The following TBC1D9 variants were observed in gnomAD, a reference collection of about 807,000 sequenced individuals.
TBC1D9 encodes TBC1 domain family member 9.
A neutral mutation model predicts 132.0 loss-of-function variants in TBC1D9; 63 were observed. The observed-to-expected ratio is 0.48, with a 90% CI of 0.39 to 0.59. The LOEUF (loss-of-function observed/expected upper bound fraction) is 0.59. TBC1D9 is among the 20% of genes least tolerant of loss of function. The probability of loss-of-function intolerance (pLI) is 0.00; values close to 1 mark genes in which losing one functional copy is unlikely to be tolerated. For missense variants in TBC1D9, 1,261 were observed against 1,592.7 expected, an observed-to-expected ratio of 0.79 and a Z score of 3.54; for synonymous variants, 610 against 609.9, an observed-to-expected ratio of 1.00 and a Z score of 0.00.
intron 13 of TBC1D9, among the ~76,000 whole-genome samples, chr4:140,641,059 T>C (rs536491640): frequency 1.4e-5 from 1 of 72,578 alleles, no homozygotes; most frequent in East Asian, 3.9e-4. Flanking sequence ...AAAAGAACAA[T>C]ATATTTAAAT....
chr4:140,712,197 A>G (rs1738255000), intron 1 of TBC1D9: 1 of 151,646 alleles, frequency 6.6e-6, no homozygotes, highest in African/African-American at 2.4e-5. Flanking sequence ...TTCCTTGGAG[A>G]GGGACCTGGC....
In TBC1D9 at chr4:140,675,008, C is replaced by A. The variant is rs143420658; in HGVS notation, c.1059+1886G>T. Among the ~76,000 whole-genome samples the A allele has an allele frequency of 4.4e-3, 667 of 152,134 alleles. 3 individuals carry two copies. The highest frequency in any genetic ancestry group is 0.015 in the African/African-American group (623 of 41,486). On this transcript the variant is annotated intron_variant, in intron 6 of 20. Coordinates refer to ENST00000442267, the MANE Select transcript of TBC1D9 (RefSeq NM_015130.3). The stretch of plus-strand genomic sequence containing the variant: ...ACAGGTGTGAGCCATCACATCTGGC[C>A]TATAGAAGAATATTTAATGATTTGA...
At position 140,669,709 on chromosome 4, in the gene TBC1D9, G is replaced by T. The variant is rs1437752880; in HGVS notation, c.1362C>A (p.Asn454Lys). Residue 454 changes from asparagine to lysine, a missense_variant, in exon 8 of 21, where the codon AAC (asparagine) becomes AAA (lysine). By Grantham distance (94) the Asn-to-Lys change is moderately conservative. Transcript: ENST00000442267. ...DGERQFNLNG[N>K]SVPTATQTLM... Reference sequence around the variant, plus strand: ...GGGTCTGTGTGGCTGTGGGGACGCTGTTGCCATTTAGGTTAAACTGGCGCT... The same window carrying T: ...GGGTCTGTGTGGCTGTGGGGACGCTTTTGCCATTTAGGTTAAACTGGCGCT... 4 of 1,613,894 alleles carry T rather than the reference G, an allele frequency of 2.5e-6. No homozygotes were observed. The highest frequency in any genetic ancestry group is 3.4e-6 in the Non-Finnish European group (4 of 1,179,896).
chr4:140,662,150 T>G (rs780548085), intron 9 of TBC1D9, 43 bp from the exon 10 acceptor site: 9 of 1,534,412 alleles, frequency 5.9e-6, no homozygotes, highest in Non-Finnish European at 8.1e-6. Flanking sequence ...ACGTGAGAGC[T>G]CTGCCTTTTG....
rs1261101678 is a variant in TBC1D9 at position 140,732,924 on chromosome 4, G to A, written c.130+22992C>T. On this transcript the variant is annotated intron_variant, in intron 1 of 20. Coordinates refer to ENST00000442267, the MANE Select transcript of TBC1D9 (RefSeq NM_015130.3). ...CATGGTGACACTGTACAATACAATCGCCACTATAAAAATAGCTTCTGACTA... is the reference window on the plus strand; with the variant it reads ...CATGGTGACACTGTACAATACAATCACCACTATAAAAATAGCTTCTGACTA... Among the ~76,000 whole-genome samples, 3 of 151,978 alleles carry A rather than the reference G, an allele frequency of 2.0e-5. No individual in the cohort carries two copies. In the East Asian group the frequency reaches 5.8e-4, roughly 29 times the overall value.
rs370205077 is a variant in TBC1D9, at chr4:140,725,549, T to A, written c.131-23935A>T. 2.0e-4 allele frequency among the ~76,000 whole-genome samples: 31 copies of A among 152,236 alleles called. No individual in the cohort carries two copies. The East Asian group carries it at 5.6e-3, about 27-fold the overall frequency. ...ACGGGGAGAGTGCTAAGTTAAAATG[T>A]GATATAAAGTGCATGCTTTTTACAA... On this transcript the variant is annotated intron_variant, in intron 1 of 20. Coordinates refer to ENST00000442267, the MANE Select transcript of TBC1D9 (RefSeq NM_015130.3).
rs761768300 is a variant in TBC1D9 at position 140,679,024 on chromosome 4, A to G, written c.769T>C (p.Leu257=). The change falls in exon 5 of 21, where the codon TTA becomes CTA. Residue 257 remains leucine, a synonymous_variant. Transcript: ENST00000442267. Reference sequence around the variant, plus strand: ...TCTTGTTCAAATCCCTCATTGTCTAAGAGTTGCCTCATGGCTATGTTGGCA... The same window carrying G: ...TCTTGTTCAAATCCCTCATTGTCTAGGAGTTGCCTCATGGCTATGTTGGCA... The part of the protein sequence containing the change: ...QLANIAMRQL[L]DNEGFEQDRS... The G allele has an allele frequency of 1.9e-6, 3 of 1,613,944 alleles. No homozygotes were observed. Among genetic ancestry groups the G allele is most frequent in the Middle Eastern group, 1.6e-4 (1 of 6,062 alleles).
chr4:140,654,788 C>T (rs976924680), intron 13 of TBC1D9, among the ~76,000 whole-genome samples: 4 of 151,932 alleles, frequency 2.6e-5, no homozygotes, highest in Admixed American at 2.6e-4. Context: ...ACAGTGTGTG[C>T]CAATAGCTTG....
At chr4:140,669,376 C>T (rs1303050083) in intron 8 of TBC1D9, among the ~76,000 whole-genome samples, 1 of 152,076 alleles carries the variant, frequency 6.6e-6, no homozygotes, top group Non-Finnish European at 1.5e-5. Context: ...GCTGAGAAAT[C>T]GGGTATTTAT....
At chr4:140,641,103 A>C (rs940933860) in intron 13 of TBC1D9, among the ~76,000 whole-genome samples, 1 of 56,702 alleles carries the variant, frequency 1.8e-5, no homozygotes, top group Non-Finnish European at 3.6e-5. Context: ...AAAAAAAAAA[A>C]ACAAAAAAAA....
chr4:140,628,339 C>G lies in TBC1D9; in HGVS notation c.2773G>C (p.Glu925Gln), dbSNP rs754810759. Residue 925 changes from glutamate to glutamine, a missense_variant, in exon 17 of 21, where the codon GAG (glutamate) becomes CAG (glutamine). By Grantham distance (29) the Glu-to-Gln change is conservative. Around this residue, in one of 3 missense-constraint regions of TBC1D9, gnomAD observed 618 missense variants for 724.4 expected, o/e 0.85. Coordinates refer to ENST00000442267, the MANE Select transcript of TBC1D9 (RefSeq NM_015130.3). ...ATTTTGTACAGGAGTTTGAGCTTCT[C>G]TGTGAGGTCCCCATGGCATGCAGCA... Reference protein sequence around the residue: ...LSAACHGDLTEKLKLLYKMHV... With the variant: ...LSAACHGDLTQKLKLLYKMHV... The G allele has an allele frequency of 2.3e-5, 37 of 1,613,814 alleles. No homozygotes were observed. The highest frequency in any genetic ancestry group is 3.1e-5 in the Non-Finnish European group (36 of 1,179,818).
intron 13 of TBC1D9, chr4:140,644,162 T>C (rs1737060038): frequency 2.8e-6 from 1 of 360,250 alleles, no homozygotes; most frequent in South Asian, 3.0e-5. Flanking sequence ...TCCCGTAGTG[T>C]GGTGGCAGGG....
chr4:140,624,196 T>C lies in TBC1D9; in HGVS notation c.2998A>G (p.Asn1000Asp), dbSNP rs1736669462. ...GTCCACAGTCTCAAATAATTACGAT[T>C]TTCTTGGGAATTTGCTCTCTTCCCT... ...DKGKRANSQE[N>D]RNYLRLWTPE... The change falls in exon 20 of 21, where the codon AAT becomes GAT. Residue 1000 changes from asparagine to aspartate, a missense_variant. Physicochemically the swap from Asn to Asp is conservative, Grantham distance 23. Around this residue, in one of 3 missense-constraint regions of TBC1D9, gnomAD observed 618 missense variants for 724.4 expected, o/e 0.85. Transcript: ENST00000442267. 1.9e-6 allele frequency: 3 copies of C among 1,612,088 alleles called. No individual in the cohort carries two copies. The East Asian group carries it at 6.7e-5, about 36-fold the overall frequency.
At chr4:140,682,458 C>G (rs1361559012) in intron 3 of TBC1D9, among the ~76,000 whole-genome samples, 2 of 151,962 alleles carry the variant, frequency 1.3e-5, no homozygotes, top group Non-Finnish European at 2.9e-5. Context: ...GGCATGGGAC[C>G]CGTGGGTGGG....
In TBC1D9 at chr4:140,657,749, T is replaced by C. The variant is rs774655451; in HGVS notation, c.1985A>G (p.Asp662Gly). 2 of 1,614,022 alleles carry C rather than the reference T, an allele frequency of 1.2e-6. No homozygotes were observed. The highest frequency in any genetic ancestry group is 2.2e-5 in the South Asian group (2 of 91,090). The change falls in exon 12 of 21, where the codon GAC becomes GGC. Residue 662 changes from aspartate to glycine, a missense_variant. Coordinates refer to ENST00000442267, the MANE Select transcript of TBC1D9 (RefSeq NM_015130.3). ...AATCACGCCCAGGTCTTGCATGCAG[T>C]CGTACAGCTGTGGGACGTAGTCTCG... ...LARDYVPQLYDCMQDLGVIST... is the reference protein window; with the variant it reads ...LARDYVPQLYGCMQDLGVIST...
rs1041510624 is a variant in TBC1D9, at chr4:140,622,395, G to A, written c.3601C>T (p.Arg1201Trp). 20 of 1,612,702 alleles carry A rather than the reference G, an allele frequency of 1.2e-5. No individual in the cohort carries two copies. The highest frequency in any genetic ancestry group is 2.7e-5 in the African/African-American group (2 of 74,912). Residue 1201 changes from arginine to tryptophan, a missense_variant, in exon 21 of 21, where the codon CGG becomes TGG. Around this residue, in one of 3 missense-constraint regions of TBC1D9, gnomAD observed 618 missense variants for 724.4 expected, o/e 0.85. Coordinates refer to ENST00000442267, the MANE Select transcript of TBC1D9 (RefSeq NM_015130.3). ...RSGQGTAALPRSTSLDRDWAI... is the reference protein window; with the variant it reads ...RSGQGTAALPWSTSLDRDWAI... ...CAGTCCCGGTCCAGGCTGGTGCTCC[G>A]GGGCAGTGCCGCCGTGCCCTGGCCG...
At position 140,624,143 on chromosome 4, in the gene TBC1D9, A is replaced by G; in HGVS notation, c.3051T>C (p.Asn1017=). 1 of 1,610,238 alleles carries G rather than the reference A, an allele frequency of 6.2e-7. No homozygotes were observed. Among genetic ancestry groups the G allele is most frequent in the Non-Finnish European group, 8.5e-7 (1 of 1,177,816 alleles). Residue 1017 remains asparagine (N), a synonymous_variant, in exon 20 of 21, where the codon AAT becomes AAC. Coordinates refer to ENST00000442267, the MANE Select transcript of TBC1D9 (RefSeq NM_015130.3). ...WTPENKSKSK[N]AKDLPKLNQG... ...GATTTAATTTGGGTAAATCCTTTGCATTCTTTGACTTAGATTTATTTTCTG... is the reference window on the plus strand; with the variant it reads ...GATTTAATTTGGGTAAATCCTTTGCGTTCTTTGACTTAGATTTATTTTCTG...
chr4:140,659,813 T>G, intron 10 of TBC1D9, 108 bp from the exon 11 acceptor site: 1 of 716,598 alleles, frequency 1.4e-6, no homozygotes, highest in Non-Finnish European at 2.3e-6. Context: ...AAACCTTTTC[T>G]GTGAAAAGCG....
At chr4:140,627,122 T>G (rs996729657) in intron 18 of TBC1D9, among the ~76,000 whole-genome samples, 2 of 152,232 alleles carry the variant, frequency 1.3e-5, no homozygotes, top group African/African-American at 2.4e-5. Context: ...AAATGCTAGT[T>G]CCAATTCTGG....
Sources: allele counts gnomAD v4.1 joint callset (sites outside exome capture counted in the v4.1 genomes callset), GRCh38; gene constraint gnomAD v4.1.1; regional missense constraint gnomAD v4.1.1; transcripts MANE v1.5; gene names NCBI Gene and HGNC (gene_info 2026-07-23, HGNC 2026-07-21).